SRD5A3: variants seen among roughly 807,000 people sequenced by gnomAD.
SRD5A3 encodes polyprenal reductase.
SRD5A3 carries 24 observed loss-of-function variants against 34.3 expected under a neutral mutation model. That is an observed-to-expected ratio of 0.70 (90% CI 0.51 to 0.99). The LOEUF is 0.99. SRD5A3 is among the 50% of genes least tolerant of loss of function. The pLI is 0.00. For synonymous variants in SRD5A3, 161 were observed against 167.3 expected, an observed-to-expected ratio of 0.96 and a Z score of 0.29; for missense variants, 350 against 388.2, an observed-to-expected ratio of 0.90 and a Z score of 0.83.
rs780640485 is a variant in SRD5A3 at position 55,367,586 on chromosome 4, A to G, written c.563-2A>G. 1.9e-6 allele frequency: 3 copies of G among 1,613,872 alleles called. No individual in the cohort carries two copies. Among genetic ancestry groups the G allele is most frequent in the South Asian group, 1.1e-5 (1 of 91,088 alleles). The stretch of plus-strand genomic sequence containing the variant: ...GTTGGCTAACAATTCTCATTCCTAT[A>G]GCCTACATAACAGGGAAAAATCTAT... On this transcript the variant is annotated splice_acceptor_variant, in intron 3 of 4. Coordinates refer to ENST00000264228, the MANE Select transcript of SRD5A3 (RefSeq NM_024592.5). LOFTEE classifies it high-confidence loss of function.
Position 55,370,194 on chromosome 4 carries a change from C to T in SRD5A3, c.*103C>T. ...ACAGTTTCAGCAAAGCTGTTTGAAA[C>T]TCTCCATTCCATTTCTATACCCCAC... On this transcript the variant is annotated 3_prime_UTR_variant, in exon 5 of 5. Transcript: ENST00000264228. The T allele has an allele frequency of 1.3e-6, 2 of 1,484,184 alleles. No homozygotes were observed. Among genetic ancestry groups the T allele is most frequent in the Non-Finnish European group, 1.9e-6 (2 of 1,075,524 alleles). 91.9% of individuals were successfully genotyped at this position (1,484,184 alleles called of 1,614,324 possible).
chr4:55,353,112 C>A (rs1292139571), intron 1 of SRD5A3, among the ~76,000 whole-genome samples: 1 of 152,142 alleles, frequency 6.6e-6, no homozygotes, highest in East Asian at 1.9e-4. Flanking sequence ...GGATAAGAGG[C>A]TACTGTGGTG....
chr4:55,357,837 C>G (rs1171097328), intron 1 of SRD5A3, among the ~76,000 whole-genome samples: 4 of 152,170 alleles, frequency 2.6e-5, no homozygotes, highest in Non-Finnish European at 4.4e-5. Flanking sequence ...CTCCCAAAGC[C>G]CTGGGATTAC....
intron 1 of SRD5A3, chr4:55,352,483 C>T: frequency 3.2e-6 from 2 of 632,144 alleles, no homozygotes; most frequent in Non-Finnish European, 5.8e-6. Context: ...CGAAGGGGTC[C>T]ATGATGGAGA....
At chr4:55,364,952 C>T (rs7663650) in intron 3 of SRD5A3, 55,962 of 152,170 alleles carry the variant, frequency 0.37, 10,441 homozygotes, top group East Asian at 0.56. Context: ...AAACCATGAC[C>T]TTGTTTACGA....
chr4:55,369,907 C>A lies in SRD5A3; in HGVS notation c.773C>A (p.Ala258Glu). 6.2e-7 allele frequency: 1 copy of A among 1,614,174 alleles called. No homozygotes were observed. Among genetic ancestry groups the A allele is most frequent in the Non-Finnish European group, 8.5e-7 (1 of 1,180,030 alleles). The change falls in exon 5 of 5, where the codon GCA (alanine) becomes GAA (glutamate). Residue 258 changes from alanine to glutamate, a missense_variant. Physicochemically the swap from Ala to Glu is moderately radical, Grantham distance 107. This residue lies in a region of SRD5A3 where 186 missense variants were observed against 221.4 expected (regional missense o/e 0.84). Coordinates refer to ENST00000264228, the MANE Select transcript of SRD5A3 (RefSeq NM_024592.5). ...FEYVSSPNYL[A>E]ELMIYVSMAV... ...TATGTTTCTTCCCCTAACTACTTAG[C>A]AGAGCTGATGATCTACGTTTCCATG...
chr4:55,351,213 A>G (rs1469001700), intron 1 of SRD5A3, among the ~76,000 whole-genome samples: 1 of 151,780 alleles, frequency 6.6e-6, no homozygotes, highest in Non-Finnish European at 1.5e-5. Flanking sequence ...CAGGGAACAC[A>G]GGTACGTGCC....
intron 1 of SRD5A3, among the ~76,000 whole-genome samples, chr4:55,354,952 G>T (rs1011776056): frequency 6.6e-6 from 1 of 152,210 alleles, no homozygotes; most frequent in African/African-American, 2.4e-5. Context: ...TTAAGCAAGG[G>T]AGTGCTCATT....
chr4:55,372,949 AC>A lies in SRD5A3; in HGVS notation c.*2860del, dbSNP rs1337622237. The A allele has an allele frequency of 2.1e-5, 3 of 145,970 alleles. No homozygotes were observed. In the Admixed American group the frequency reaches 2.1e-4, roughly 10 times the overall value. 9.0% of individuals were successfully genotyped at this position (145,970 alleles called of 1,614,324 possible). A position where few individuals can be genotyped will look rare whatever the true frequency, so the allele number is the denominator to read the frequency against. ...TAGAATTCCTACAAAAAAAAAAAAA[AC>A]CGTTGCAGATATTTTTGTATGTAGC... is the stretch of plus-strand genomic sequence containing the variant. On this transcript the variant is annotated 3_prime_UTR_variant, in exon 5 of 5. Transcript: ENST00000264228.
chr4:55,367,722 G>A lies in SRD5A3; in HGVS notation c.697G>A (p.Gly233Arg). Residue 233 changes from glycine (G) to arginine (R), a missense_variant and splice_region_variant, in exon 4 of 5, where the codon GGA (glycine) becomes AGA (arginine). Physicochemically the swap from Gly to Arg is moderately radical, Grantham distance 125 (BLOSUM62 -2). This residue lies in a region of SRD5A3 where 186 missense variants were observed against 221.4 expected (regional missense o/e 0.84). Coordinates refer to ENST00000264228, the MANE Select transcript of SRD5A3 (RefSeq NM_024592.5). ...ILGNLRKNKA[G>R]VVIHCNHRIP... ...CGGCAATCTCAGGAAAAATAAAGCA[G>A]GTGAGACCTCTTTTAGAGCCTCTGC... is the stretch of plus-strand genomic sequence containing the variant. 1 of 1,614,036 alleles carries A rather than the reference G, an allele frequency of 6.2e-7. No individual in the cohort carries two copies. The highest frequency in any genetic ancestry group is 8.5e-7 in the Non-Finnish European group (1 of 1,180,010).
At position 55,370,406 on chromosome 4, in the gene SRD5A3, AAAAACCG is replaced by A. The variant is rs1720080003; in HGVS notation, c.*320_*326del. The A allele has an allele frequency of 4.4e-5, 9 of 203,496 alleles. No individual in the cohort carries two copies. The highest frequency in any genetic ancestry group is 9.3e-6 in the Non-Finnish European group (1 of 107,686). The allele number at this position is 203,496 out of a possible 1,614,324, so 12.6% of individuals were successfully genotyped here. On this transcript the variant is annotated 3_prime_UTR_variant, in exon 5 of 5. Transcript: ENST00000264228. The stretch of plus-strand genomic sequence containing the variant: ...AGCTGCTTCACAAGCAAACTAACCG[AAAAACCG>A]AAAATATACAAACAGCTTCACACAC...
chr4:55,350,512 A>G (rs552498235), intron 1 of SRD5A3, among the ~76,000 whole-genome samples: 268 of 152,174 alleles, frequency 1.8e-3, no homozygotes, highest in African/African-American at 6.3e-3. Context: ...GTAAATTGAC[A>G]GTTTATCATT....
chr4:55,347,121 C>G lies in SRD5A3; in HGVS notation c.221+564C>G, dbSNP rs950625965. On this transcript the variant is annotated intron_variant, in intron 1 of 4. Coordinates refer to ENST00000264228, the MANE Select transcript of SRD5A3 (RefSeq NM_024592.5). ...GCAGGTGCCCCTGGGGAAGGTGGCCCAAGGTGCAGGTCATAGGCAGGCCCG... is the reference window on the plus strand; with the variant it reads ...GCAGGTGCCCCTGGGGAAGGTGGCCGAAGGTGCAGGTCATAGGCAGGCCCG... Among the ~76,000 whole-genome samples, 8 of 152,248 alleles carry G rather than the reference C, an allele frequency of 5.3e-5. No homozygotes were observed. The South Asian group carries it at 1.7e-3, about 31-fold the overall frequency.
chr4:55,360,213 T>TC (rs1553881929), intron 2 of SRD5A3, among the ~76,000 whole-genome samples: 2 of 60,970 alleles, frequency 3.3e-5, no homozygotes, highest in African/African-American at 1.1e-4. Flanking sequence ...AGACTGTGTT[T>TC]CAAAAAAAAA....
chr4:55,351,571 C>A (rs544365988), intron 1 of SRD5A3, among the ~76,000 whole-genome samples: 172 of 151,860 alleles, frequency 1.1e-3, no homozygotes, highest in Non-Finnish European at 1.8e-3. Context: ...GCAGGACAAT[C>A]GCCAGAACCT....
At chr4:55,347,335 A>T (rs1274477459) in intron 1 of SRD5A3, among the ~76,000 whole-genome samples, 1 of 152,226 alleles carries the variant, frequency 6.6e-6, no homozygotes, top group East Asian at 1.9e-4. Flanking sequence ...GTGCCCCTTA[A>T]GATGCATCTT....
At chr4:55,358,875 A>G (rs28375967) in intron 1 of SRD5A3, 4,399 of 172,318 alleles carry the variant, frequency 0.026, 58 homozygotes, top group African/African-American at 0.031. Flanking sequence ...TACTTCCTCT[A>G]GCCCCAAGTG....
At position 55,359,363 on chromosome 4, in the gene SRD5A3, A is replaced by G; in HGVS notation, c.239A>G (p.Tyr80Cys). 2 of 1,613,814 alleles carry G rather than the reference A, an allele frequency of 1.2e-6. No individual in the cohort carries two copies. Among genetic ancestry groups the G allele is most frequent in the Admixed American group, 1.7e-5 (1 of 59,964 alleles). Residue 80 changes from tyrosine (Y) to cysteine (C), a missense_variant, in exon 2 of 5, where the codon TAT (tyrosine) becomes TGT (cysteine). Tyr to Cys is a radical substitution (Grantham distance 194, BLOSUM62 -2). This residue lies in a region of SRD5A3 where 159 missense variants were observed against 149.1 expected (regional missense o/e 1.07). Transcript: ENST00000264228. ...TTTTGCAGATATTTTTCCCACTTTT[A>G]TATCATCTCAGTGCTGTGGAATGGC... is the stretch of plus-strand genomic sequence containing the variant. ...DVPKRYFSHF[Y>C]IISVLWNGFL...
Position 55,371,910 on chromosome 4 carries a change from C to T in SRD5A3, c.*1819C>T, listed in dbSNP as rs1179407637. The T allele has an allele frequency of 6.6e-6, 1 of 152,228 alleles. No individual in the cohort carries two copies. Among genetic ancestry groups the T allele is most frequent in the African/African-American group, 2.4e-5 (1 of 41,462 alleles). 9.4% of individuals were successfully genotyped at this position (152,228 alleles called of 1,614,324 possible). A position where few individuals can be genotyped will look rare whatever the true frequency, so the allele number is the denominator to read the frequency against. ...CCTCAGGTGATCCACCTGCTTCGGCCTCCCAAAGTGCTGGGATTACAGGTG... is the reference window on the plus strand; with the variant it reads ...CCTCAGGTGATCCACCTGCTTCGGCTTCCCAAAGTGCTGGGATTACAGGTG... On this transcript the variant is annotated 3_prime_UTR_variant, in exon 5 of 5. Transcript: ENST00000264228.
Sources: allele counts gnomAD v4.1 joint callset (sites outside exome capture counted in the v4.1 genomes callset), GRCh38; gene constraint gnomAD v4.1.1; regional missense constraint gnomAD v4.1.1; transcripts MANE v1.5; gene names NCBI Gene and HGNC (gene_info 2026-07-23, HGNC 2026-07-21).